LYPLAL1: variants seen among roughly 807,000 people sequenced by gnomAD.
LYPLAL1 encodes lysophospholipase-like protein 1.
A neutral mutation model predicts 19.7 loss-of-function variants in LYPLAL1; 23 were observed. The ratio of observed to expected loss-of-function variants is 1.17; its 90% CI spans 0.84 to 1.65. LYPLAL1 has a LOEUF of 1.65. Ranked by LOEUF, LYPLAL1 falls within the 40% of genes most tolerant of loss-of-function variation. The probability of loss-of-function intolerance (pLI) is 0.00; values close to 1 mark genes in which losing one functional copy is unlikely to be tolerated. For synonymous variants in LYPLAL1, 119 were observed against 96.3 expected (o/e 1.24, Z -1.38); for missense variants, 355 against 279.4 (o/e 1.27, Z -1.93).
the LYPLAL1 span, among the ~76,000 whole-genome samples, chr1:219,293,454 G>A: frequency 0.32 from 48,881 of 151,200 alleles, 8,334 homozygotes; most frequent in East Asian, 0.61. Context: ...TCTCCCCCCA[G>A]CTCTCTCCCC....
intron 2 of LYPLAL1, among the ~76,000 whole-genome samples, chr1:219,180,304 T>C (rs1283252022): frequency 2.0e-5 from 3 of 152,196 alleles, no homozygotes; most frequent in Non-Finnish European, 4.4e-5. Context: ...ATTTTTTTCT[T>C]ATCAGGCATA....
At chr1:219,352,851 A>G in the LYPLAL1 span, among the ~76,000 whole-genome samples, 1 of 152,208 alleles carries the variant, frequency 6.6e-6, no homozygotes, top group Non-Finnish European at 1.5e-5. Context: ...AGTCTACCAT[A>G]TAATCTGTCT....
At chr1:219,314,530 C>T in the LYPLAL1 span, among the ~76,000 whole-genome samples, 17 of 152,214 alleles carry the variant, frequency 1.1e-4, no homozygotes, top group South Asian at 1.9e-3. Flanking sequence ...CTGCAAGCTC[C>T]GCCTCCCGGG....
At chr1:219,383,317 A>G in the LYPLAL1 span, among the ~76,000 whole-genome samples, 1 of 152,240 alleles carries the variant, frequency 6.6e-6, no homozygotes, top group African/African-American at 2.4e-5. Flanking sequence ...GTTTGAGTTG[A>G]TATTTCAAAG....
At chr1:219,340,568 T>C in the LYPLAL1 span, among the ~76,000 whole-genome samples, 3 of 152,054 alleles carry the variant, frequency 2.0e-5, no homozygotes, top group African/African-American at 7.2e-5. Flanking sequence ...AGGTTTTCCA[T>C]GCGTATACTT....
chr1:219,416,799 C>T, the LYPLAL1 span, among the ~76,000 whole-genome samples: 10 of 152,270 alleles, frequency 6.6e-5, no homozygotes, highest in East Asian at 1.9e-3. Context: ...TTATGGATCC[C>T]TTTTGTCGCC....
the LYPLAL1 span, among the ~76,000 whole-genome samples, chr1:219,320,239 C>CT: frequency 1.3e-5 from 2 of 152,102 alleles, no homozygotes; most frequent in African/African-American, 4.8e-5. Flanking sequence ...GACCTTCAAT[C>CT]TATACTGGTC....
chr1:219,274,068 GTT>G, the LYPLAL1 span, among the ~76,000 whole-genome samples: 3 of 152,108 alleles, frequency 2.0e-5, no homozygotes, highest in Non-Finnish European at 2.9e-5. Context: ...CCCTGTATGT[GTT>G]TTATAAAGTT....
the LYPLAL1 span, among the ~76,000 whole-genome samples, chr1:219,402,264 T>C: frequency 6.6e-6 from 1 of 152,150 alleles, no homozygotes; most frequent in South Asian, 2.1e-4. Context: ...AATTTTTCCT[T>C]TGAGGTTTAG....
chr1:219,269,861 C>T, the LYPLAL1 span, among the ~76,000 whole-genome samples: 10 of 152,092 alleles, frequency 6.6e-5, no homozygotes, highest in East Asian at 5.8e-4. Context: ...TGCCATTTTA[C>T]GTTGAAGAAT....
intron 3 of LYPLAL1, among the ~76,000 whole-genome samples, chr1:219,195,345 A>G (rs1657518880): frequency 6.6e-6 from 1 of 151,382 alleles, no homozygotes. Context: ...ACATGGAGAA[A>G]CCAGTATAAT....
chr1:219,175,317 C>T (rs1343129043), intron 1 of LYPLAL1, among the ~76,000 whole-genome samples: 1 of 151,956 alleles, frequency 6.6e-6, no homozygotes, highest in Middle Eastern at 3.2e-3. Context: ...AAGGGAAAGA[C>T]GGCATATATT....
At chr1:219,384,769 T>C in the LYPLAL1 span, among the ~76,000 whole-genome samples, 1 of 152,190 alleles carries the variant, frequency 6.6e-6, no homozygotes, top group Non-Finnish European at 1.5e-5. Flanking sequence ...GGAAATGACA[T>C]ATACAGAAGC....
chr1:219,356,759 T>C, the LYPLAL1 span, among the ~76,000 whole-genome samples: 4 of 152,196 alleles, frequency 2.6e-5, no homozygotes, highest in African/African-American at 9.6e-5. Flanking sequence ...AAAAATTACT[T>C]GCAATATGAA....
chr1:219,231,072 G>A, the LYPLAL1 span, among the ~76,000 whole-genome samples: 2 of 152,144 alleles, frequency 1.3e-5, no homozygotes, highest in Non-Finnish European at 2.9e-5. Context: ...AACTCATAGG[G>A]CATTTCTAAA....
chr1:219,279,314 T>A, the LYPLAL1 span, among the ~76,000 whole-genome samples: 370 of 152,222 alleles, frequency 2.4e-3, 4 homozygotes, highest in African/African-American at 8.7e-3. Flanking sequence ...TTTAGCATAT[T>A]TCTGAAAAAA....
At chr1:219,201,508 A>G (rs2125091122) in intron 3 of LYPLAL1, among the ~76,000 whole-genome samples, 1 of 152,016 alleles carries the variant, frequency 6.6e-6, no homozygotes, top group Middle Eastern at 3.4e-3. Flanking sequence ...TATGAGAATA[A>G]AATTTCTTTT....
chr1:219,225,139 G>C, the LYPLAL1 span, among the ~76,000 whole-genome samples: 1 of 151,990 alleles, frequency 6.6e-6, no homozygotes, highest in Non-Finnish European at 1.5e-5. Context: ...CTATACCTCT[G>C]GCCCTAAGCA....
the LYPLAL1 span, among the ~76,000 whole-genome samples, chr1:219,285,782 T>C: frequency 6.6e-6 from 1 of 152,150 alleles, no homozygotes; most frequent in Admixed American, 6.6e-5. Context: ...TGAAATTGTT[T>C]TGAAGCTAGA....
Sources: allele counts gnomAD v4.1 joint callset (sites outside exome capture counted in the v4.1 genomes callset), GRCh38; gene constraint gnomAD v4.1.1; transcripts MANE v1.5; gene names NCBI Gene and HGNC (gene_info 2026-07-23, HGNC 2026-07-21).